DST: variants seen among roughly 807,000 people sequenced by gnomAD.
DST encodes dystonin, also known as bullous pemphigoid antigen.
DST carries 253 observed loss-of-function variants against 875.2 expected under a neutral mutation model. That is an observed-to-expected ratio of 0.29 (90% CI 0.26 to 0.32). The LOEUF (loss-of-function observed/expected upper bound fraction) is 0.32. Among genes scored for constraint, DST ranks in the 10% least tolerant of loss-of-function variants. DST has a pLI of 1.00. For missense variants in DST, 8,287 were observed against 9,111.6 expected (o/e 0.91, Z 3.68); for synonymous variants, 3,124 against 3,197.1 (o/e 0.98, Z 0.77).
intron 45 of DST, among the ~76,000 whole-genome samples, chr6:56,599,137 A>G (rs2098419541): frequency 6.6e-6 from 1 of 152,028 alleles, no homozygotes; most frequent in African/African-American, 2.4e-5. Context: ...GTGAACTAAG[A>G]TACTTTCCTT....
chr6:56,553,604 T>C lies in DST; in HGVS notation c.15188A>G (p.Gln5063Arg). 6.2e-7 allele frequency: 1 copy of C among 1,613,752 alleles called. No homozygotes were observed. The highest frequency in any genetic ancestry group is 1.7e-5 in the Admixed American group (1 of 60,020). Reference protein sequence around the residue: ...QSACASSHQFQQMSRDFQAWL... With the variant: ...QSACASSHQFRQMSRDFQAWL... ...AGCCTGAAAATCTCTAGACATTTGC[T>C]GAAATTGATGAGAGCTTGCACAGGC... Residue 5063 changes from glutamine to arginine, a missense_variant, in exon 61 of 104, where the codon CAG (glutamine) becomes CGG (arginine). Physicochemically the swap from Gln to Arg is conservative, Grantham distance 43 (BLOSUM62 1). Coordinates refer to ENST00000680361, the MANE Select transcript of DST (RefSeq NM_001374736.1).
At chr6:56,836,718 G>C (rs1158197199) in intron 4 of DST, among the ~76,000 whole-genome samples, 1 of 151,272 alleles carries the variant, frequency 6.6e-6, no homozygotes, top group Non-Finnish European at 1.5e-5. Context: ...GGGCGTGATG[G>C]CGGGCGCCTG....
At chr6:56,940,145 A>C (rs1005254824) in intron 2 of DST, among the ~76,000 whole-genome samples, 1 of 151,832 alleles carries the variant, frequency 6.6e-6, no homozygotes, top group Non-Finnish European at 1.5e-5. Context: ...ATACACTCAA[A>C]ATGACAGAAA....
chr6:56,588,321 A>G (rs896082098), intron 49 of DST, among the ~76,000 whole-genome samples: 4 of 151,904 alleles, frequency 2.6e-5, no homozygotes, highest in Non-Finnish European at 5.9e-5. Context: ...TGTCTTAGAA[A>G]CTCTACATAC....
At position 56,578,800 on chromosome 6, in the gene DST, C is replaced by T; in HGVS notation, c.13027+14G>A. 2 of 1,611,184 alleles carry T rather than the reference C, an allele frequency of 1.2e-6. No individual in the cohort carries two copies. The highest frequency in any genetic ancestry group is 1.7e-6 in the Non-Finnish European group (2 of 1,178,694). On this transcript the variant is annotated intron_variant, in intron 50 of 103. Transcript: ENST00000680361. ...TTACCTGTGAGACAGGAAGCAAGGA[C>T]ATGAATATCTTACCAAGTGTTTTCT... is the stretch of plus-strand genomic sequence containing the variant.
intron 61 of DST, among the ~76,000 whole-genome samples, chr6:56,544,238 T>C (rs941300759): frequency 6.6e-6 from 1 of 152,216 alleles, no homozygotes; most frequent in Non-Finnish European, 1.5e-5. Flanking sequence ...GCTCTCTTGA[T>C]ATGTAAGCTT....
Position 56,739,158 on chromosome 6 carries a change from T to C in DST, c.626-3869A>G, listed in dbSNP as rs1216237844. Among the ~76,000 whole-genome samples the C allele has an allele frequency of 2.0e-5, 3 of 149,342 alleles. No homozygotes were observed. In the East Asian group the frequency reaches 5.9e-4, roughly 29 times the overall value. ...GCAATGCCTCTATGCGCTCAACAGA[T>C]AGATGCCCATTGTGTGAAATAATTT... On this transcript the variant is annotated intron_variant, in intron 4 of 103. Coordinates refer to ENST00000680361, the MANE Select transcript of DST (RefSeq NM_001374736.1).
At chr6:56,789,876 T>C (rs2099713503) in intron 4 of DST, among the ~76,000 whole-genome samples, 1 of 152,246 alleles carries the variant, frequency 6.6e-6, no homozygotes, top group Non-Finnish European at 1.5e-5. Flanking sequence ...CTTCCACCTA[T>C]TGGCCACTGT....
chr6:56,639,214 A>G (rs2098857788), intron 22 of DST, 45 bp downstream of exon 22: 6 of 1,455,216 alleles, frequency 4.1e-6, no homozygotes, highest in Non-Finnish European at 5.8e-6. Flanking sequence ...AAGGGAAATA[A>G]TCATATCAAT....
chr6:56,628,670 T>A (rs575858263), intron 32 of DST, among the ~76,000 whole-genome samples: 2 of 152,350 alleles, frequency 1.3e-5, no homozygotes, highest in East Asian at 3.9e-4. Flanking sequence ...TATTTGAACA[T>A]AATTTTACTT....
rs547648654 is a variant in DST at position 56,684,979 on chromosome 6, C to T, written c.1048-14172G>A. ...AGACCAGTTGTACCTCCTTAACCAA[C>T]AGCCCCCACCCACCCCCCCACCCCA... On this transcript the variant is annotated intron_variant, in intron 9 of 103. Coordinates refer to ENST00000680361, the MANE Select transcript of DST (RefSeq NM_001374736.1). Among the ~76,000 whole-genome samples the T allele has an allele frequency of 2.1e-4, 31 of 149,852 alleles. No homozygotes were observed. In the South Asian group the frequency reaches 2.2e-3, roughly 11 times the overall value.
intron 58 of DST, among the ~76,000 whole-genome samples, chr6:56,559,318 A>G (rs750703855): frequency 4.6e-5 from 7 of 152,126 alleles, no homozygotes; most frequent in Non-Finnish European, 7.4e-5. Flanking sequence ...GAGATCCTAG[A>G]AGAGAGTCAC....
intron 4 of DST, among the ~76,000 whole-genome samples, chr6:56,839,596 A>C (rs983537615): frequency 2.0e-5 from 3 of 152,332 alleles, no homozygotes; most frequent in African/African-American, 7.2e-5. Context: ...AGATCATTAC[A>C]TGCTGCAGAG....
intron 5 of DST, among the ~76,000 whole-genome samples, chr6:56,710,967 A>T (rs1190730065): frequency 6.6e-6 from 1 of 152,162 alleles, no homozygotes; most frequent in Non-Finnish European, 1.5e-5. Context: ...AAATAAAGGT[A>T]TTAGTTACAC....
intron 22 of DST, 108 bp from the exon 23 acceptor site, chr6:56,636,760 C>T: frequency 1.1e-6 from 1 of 951,556 alleles, no homozygotes; most frequent in Non-Finnish European, 1.7e-6. Context: ...AATAGATGAC[C>T]AATTGTTTTG....
chr6:56,490,541 AG>A (rs1424942033), intron 85 of DST, among the ~76,000 whole-genome samples: 4 of 152,314 alleles, frequency 2.6e-5, no homozygotes, highest in Non-Finnish European at 5.9e-5. Flanking sequence ...CAAAACTGTA[AG>A]GGCTCTCTGG....
In DST at chr6:56,609,278, C is replaced by T. The variant is rs1354217455; in HGVS notation, c.5350G>A (p.Val1784Ile). 4 of 1,613,522 alleles carry T rather than the reference C, an allele frequency of 2.5e-6. No homozygotes were observed. Among genetic ancestry groups the T allele is most frequent in the African/African-American group, 2.7e-5 (2 of 74,898 alleles). ...TCATAGTCAATGAGGCCTCTTAAAA[C>T]TGCTTGAAAGACTGAAAGGACTTCT... ...TGEVLSVFQA[V>I]LRGLIDYDTG... is the part of the protein sequence containing the mutation. The change falls in exon 40 of 104, where the codon GTT (valine) becomes ATT (isoleucine). Residue 1784 changes from valine to isoleucine, a missense_variant. Around this residue, in one of 10 missense-constraint regions of DST, gnomAD observed 3,138 missense variants for 3,116.6 expected, o/e 1.01. Transcript: ENST00000680361.
chr6:56,503,536 A>G (rs1192177527), intron 78 of DST, among the ~76,000 whole-genome samples: 1 of 151,624 alleles, frequency 6.6e-6, no homozygotes, highest in Non-Finnish European at 1.5e-5. Context: ...AACAAGTTAA[A>G]CAAGTTATAA....
chr6:56,603,777 G>T (rs932050071), intron 40 of DST, 60 bp downstream of exon 40: 3 of 1,576,118 alleles, frequency 1.9e-6, no homozygotes, highest in Non-Finnish European at 2.6e-6. Flanking sequence ...GCAAATGTAT[G>T]GGATTATTCT....
Sources: allele counts gnomAD v4.1 joint callset (sites outside exome capture counted in the v4.1 genomes callset), GRCh38; gene constraint gnomAD v4.1.1; regional missense constraint gnomAD v4.1.1; transcripts MANE v1.5; gene names NCBI Gene and HGNC (gene_info 2026-07-23, HGNC 2026-07-21).